The following PKIB variants were observed in gnomAD, a reference collection of about 807,000 sequenced individuals.
The protein encoded by PKIB is PKI-beta.
Under a neutral mutation model 4.5 loss-of-function variants are expected in PKIB, and 2 were observed. The observed-to-expected ratio is 0.44, with a 90% CI of 0.18 to 1.39. The LOEUF is 1.39. PKIB is among the 40% of genes most tolerant of loss of function. The pLI is 0.27. For synonymous variants in PKIB, 38 were observed against 36.0 expected (o/e 1.06, Z -0.20); for missense variants, 94 against 92.6 (o/e 1.02, Z -0.06).
intron 2 of PKIB, among the ~76,000 whole-genome samples, chr6:122,656,739 A>G (rs887007085): frequency 1.3e-5 from 2 of 152,206 alleles, no homozygotes; most frequent in Non-Finnish European, 2.9e-5. Flanking sequence ...TGTAGTACTG[A>G]GGATGTCAAA....
In PKIB at chr6:122,682,013, A is replaced by C. The variant is rs117548812; in HGVS notation, c.-9+6869A>C. ...GGAGTCTAGCGTGAGAAATTTCTAC[A>C]TCCTATTTTCCAGTTATACTGCTGT... On this transcript the variant is annotated intron_variant, in intron 3 of 4. Transcript: ENST00000368452. Among the ~76,000 whole-genome samples, 184 of 152,256 alleles carry C rather than the reference A, an allele frequency of 1.2e-3. 3 individuals are homozygous for C. The East Asian group carries it at 0.02, about 17-fold the overall frequency.
At chr6:122,723,656 C>A (rs1050290633) in intron 4 of PKIB, among the ~76,000 whole-genome samples, 19 of 152,070 alleles carry the variant, frequency 1.2e-4, no homozygotes, top group African/African-American at 4.3e-4. Flanking sequence ...ATATTATTGT[C>A]TTTGGCTTTG....
chr6:122,718,465 T>C (rs1236014841), intron 4 of PKIB, among the ~76,000 whole-genome samples: 1 of 152,172 alleles, frequency 6.6e-6, no homozygotes, highest in Admixed American at 6.5e-5. Context: ...TGATACTTTA[T>C]ATGAAAGTAT....
intron 1 of PKIB, among the ~76,000 whole-genome samples, chr6:122,619,253 T>C (rs1775121743): frequency 6.6e-6 from 1 of 152,172 alleles, no homozygotes; most frequent in Admixed American, 6.6e-5. Flanking sequence ...TCTCACGTAG[T>C]TTGTGAAGTT....
chr6:122,513,847 A>G (rs575033622), intron 2 of PKIB, among the ~76,000 whole-genome samples: 4 of 152,302 alleles, frequency 2.6e-5, no homozygotes, highest in African/African-American at 4.8e-5. Flanking sequence ...TGCATAGTGT[A>G]TATGCACCAC....
intron 2 of PKIB, among the ~76,000 whole-genome samples, chr6:122,635,671 A>G (rs1775892777): frequency 6.6e-6 from 1 of 152,086 alleles, no homozygotes; most frequent in Admixed American, 6.5e-5. Flanking sequence ...TATTCTAGGA[A>G]TGTTAAAGTG....
chr6:122,497,930 A>G (rs537261891), intron 2 of PKIB, among the ~76,000 whole-genome samples: 2 of 152,350 alleles, frequency 1.3e-5, no homozygotes, highest in South Asian at 4.1e-4. Context: ...TTATCTGCAC[A>G]TGAAACATAC....
intron 2 of PKIB, among the ~76,000 whole-genome samples, chr6:122,541,203 T>G (rs62424316): frequency 6.6e-6 from 1 of 151,962 alleles, no homozygotes; most frequent in South Asian, 2.1e-4. Flanking sequence ...ATACTGTTAT[T>G]TGTGAATTTG....
chr6:122,554,768 G>T (rs1156470630), intron 2 of PKIB, among the ~76,000 whole-genome samples: 1 of 152,106 alleles, frequency 6.6e-6, no homozygotes, highest in East Asian at 1.9e-4. Context: ...TTCATGCAAG[G>T]CTGGGGCACC....
intron 2 of PKIB, among the ~76,000 whole-genome samples, chr6:122,538,112 C>T (rs377144675): frequency 6.6e-6 from 1 of 151,888 alleles, no homozygotes; most frequent in South Asian, 2.1e-4. Context: ...TGAAAATTTT[C>T]TTCCATTCTG....
At chr6:122,636,413 C>G (rs1417378454) in intron 2 of PKIB, among the ~76,000 whole-genome samples, 1 of 151,526 alleles carries the variant, frequency 6.6e-6, no homozygotes, top group Admixed American at 6.6e-5. Context: ...ATGACAGCAA[C>G]AAATAAAAAA....
intron 2 of PKIB, among the ~76,000 whole-genome samples, chr6:122,662,307 C>CTTTT (rs1777029246): frequency 6.9e-5 from 1 of 14,514 alleles, no homozygotes; most frequent in African/African-American, 1.8e-4. Context: ...TTCCTTGTCT[C>CTTTT]CTTTTTTTTT....
At chr6:122,550,326 T>C (rs1290013336) in intron 2 of PKIB, among the ~76,000 whole-genome samples, 2 of 152,210 alleles carry the variant, frequency 1.3e-5, no homozygotes, top group Non-Finnish European at 2.9e-5. Flanking sequence ...TCTGCTTCCC[T>C]TCCCTATTTC....
chr6:122,687,376 A>C (rs1372524415), intron 3 of PKIB, among the ~76,000 whole-genome samples: 7 of 152,126 alleles, frequency 4.6e-5, no homozygotes, highest in African/African-American at 1.7e-4. Flanking sequence ...GTAGCTCTGT[A>C]GTATAATTTG....
chr6:122,602,951 G>A (rs575786109), intron 3 of PKIB, among the ~76,000 whole-genome samples: 56 of 92,204 alleles, frequency 6.1e-4, no homozygotes, highest in Admixed American at 8.3e-4. Flanking sequence ...GCAAGACTGC[G>A]TCTCAAAAAA....
At chr6:122,637,485 G>A (rs998182742) in intron 2 of PKIB, among the ~76,000 whole-genome samples, 10 of 152,036 alleles carry the variant, frequency 6.6e-5, no homozygotes, top group Admixed American at 1.3e-4. Context: ...GGCCAGGTGC[G>A]GTGGCTCATG....
chr6:122,489,931 CTCTTGAGATTTATCACCAGGGAT>C (rs575453215), intron 2 of PKIB, among the ~76,000 whole-genome samples: 88 of 152,306 alleles, frequency 5.8e-4, no homozygotes, highest in Non-Finnish European at 1.0e-3. Flanking sequence ...TGGATCCCTG[CTCTTGAGATTTATCACCAGGGAT>C]TCTTGTTTTC....
chr6:122,540,576 T>G (rs1777563675), intron 2 of PKIB, among the ~76,000 whole-genome samples: 1 of 151,930 alleles, frequency 6.6e-6, no homozygotes, highest in Non-Finnish European at 1.5e-5. Context: ...TCTTTTACAT[T>G]TGCTGAGGAG....
chr6:122,605,871 G>A (rs1774513971), upstream of PKIB, among the ~76,000 whole-genome samples: 1 of 152,194 alleles, frequency 6.6e-6, no homozygotes, highest in Admixed American at 6.5e-5. Flanking sequence ...TAGAAACATT[G>A]ATAAGGTTCA....
Sources: allele counts gnomAD v4.1 joint callset (sites outside exome capture counted in the v4.1 genomes callset), GRCh38; gene constraint gnomAD v4.1.1; transcripts MANE v1.5; gene names NCBI Gene and HGNC (gene_info 2026-07-23, HGNC 2026-07-21).